ZNF732: variants seen among roughly 807,000 people sequenced by gnomAD.
The protein encoded by ZNF732 is zinc finger protein LOC654254.
A neutral mutation model predicts 11.5 loss-of-function variants in ZNF732; 12 were observed. The observed-to-expected ratio is 1.05, with a 90% CI of 0.67 to 1.70. The LOEUF (loss-of-function observed/expected upper bound fraction) is 1.70, where lower values mean the gene tolerates loss of function less well. Ranked by LOEUF, ZNF732 falls within the 40% of genes most tolerant of loss-of-function variation. ZNF732 has a pLI of 0.00. For missense variants in ZNF732, 702 were observed against 676.9 expected (o/e 1.04, Z -0.41); for synonymous variants, 231 against 236.5 (o/e 0.98, Z 0.21).
intron 3 of ZNF732, among the ~76,000 whole-genome samples, chr4:275,627 A>G (rs1719477213): frequency 6.6e-6 from 1 of 151,824 alleles, no homozygotes. Context: ...TTAGACACTC[A>G]TAATTATTGC....
At chr4:279,454 A>AG (rs1304889538) in intron 3 of ZNF732, among the ~76,000 whole-genome samples, 1 of 151,896 alleles carries the variant, frequency 6.6e-6, no homozygotes, top group Non-Finnish European at 1.5e-5. Context: ...TCAAAAAAAA[A>AG]AAACAACAAC....
chr4:275,551 G>A (rs1378494281), intron 3 of ZNF732, among the ~76,000 whole-genome samples: 1 of 151,644 alleles, frequency 6.6e-6, no homozygotes, highest in Non-Finnish European at 1.5e-5. Context: ...AAGCTGAACA[G>A]CTAGATCAAC....
chr4:282,704 T>TA (rs1178892915), intron 3 of ZNF732, among the ~76,000 whole-genome samples: 5 of 151,910 alleles, frequency 3.3e-5, no homozygotes, highest in Non-Finnish European at 7.4e-5. Flanking sequence ...CCTATGTGGG[T>TA]AAAAAAGAAG....
At position 271,491 on chromosome 4, in the gene ZNF732, C is replaced by T; in HGVS notation, c.1366G>A (p.Gly456Arg). The T allele has an allele frequency of 6.2e-7, 1 of 1,607,652 alleles. No homozygotes were observed. The highest frequency in any genetic ancestry group is 8.5e-7 in the Non-Finnish European group (1 of 1,177,560). Residue 456 changes from glycine to arginine, a missense_variant, in exon 4 of 4, where the codon GGA (glycine) becomes AGA (arginine). Coordinates refer to ENST00000419098, the MANE Select transcript of ZNF732 (RefSeq NM_001137608.3). Reference protein sequence around the residue: ...YKCEECGKAFGWSAYLSKHKK... With the variant: ...YKCEECGKAFRWSAYLSKHKK... ...TGTTTACTCAGGTATGCAGACCATC[C>T]AAAGGCTTTGCCACACTCTTCACAT...
At chr4:299,383 A>G (rs1401092898) in intron 1 of ZNF732, among the ~76,000 whole-genome samples, 1 of 92,874 alleles carries the variant, frequency 1.1e-5, no homozygotes, top group Non-Finnish European at 2.2e-5. Flanking sequence ...ATATATATAT[A>G]CACATATGTA....
chr4:283,706 A>G (rs566598169), intron 3 of ZNF732, among the ~76,000 whole-genome samples: 1 of 152,170 alleles, frequency 6.6e-6, no homozygotes, highest in Non-Finnish European at 1.5e-5. Flanking sequence ...ACTGAAAGTT[A>G]GTAAGAAAAC....
intron 3 of ZNF732, among the ~76,000 whole-genome samples, chr4:292,904 A>T (rs1553841557): frequency 6.8e-6 from 1 of 146,762 alleles, no homozygotes; most frequent in African/African-American, 2.5e-5. Flanking sequence ...AAAAAAAAAA[A>T]AAAAAAAAAA....
intron 1 of ZNF732, among the ~76,000 whole-genome samples, chr4:297,890 C>T (rs553304268): frequency 3.9e-5 from 6 of 152,074 alleles, no homozygotes; most frequent in Non-Finnish European, 8.8e-5. Context: ...TGGATCTGGG[C>T]AGGGTTAGGA....
intron 1 of ZNF732, among the ~76,000 whole-genome samples, chr4:304,767 C>T (rs1036794440): frequency 6.6e-6 from 1 of 152,244 alleles, no homozygotes; most frequent in Admixed American, 6.5e-5. Context: ...GCGGAGGAGG[C>T]GCACAGGGCA....
At position 287,860 on chromosome 4, in the gene ZNF732, C is replaced by T. The variant is rs61792096; in HGVS notation, c.226+7578G>A. ...ACTGCATTTTTAGTTTTTGGAGGAA[C>T]CTCCATACATTTTTTTCAGGTGGTT... On this transcript the variant is annotated intron_variant, in intron 3 of 3. Coordinates refer to ENST00000419098, the MANE Select transcript of ZNF732 (RefSeq NM_001137608.3). Among the ~76,000 whole-genome samples, 500 of 152,142 alleles carry T rather than the reference C, an allele frequency of 3.3e-3. 1 individual carries two copies. The highest frequency in any genetic ancestry group is 6.3e-3 in the Non-Finnish European group (426 of 67,992).
chr4:305,392 T>A lies in ZNF732; in HGVS notation c.-82A>T. On this transcript the variant is annotated 5_prime_UTR_variant, in exon 1 of 4. Transcript: ENST00000419098. ...GTCACAGAGCGACGGAGGCTGAGGC[T>A]GTGACCGAATCACCGACGCCTCCCT... 5 of 1,589,666 alleles carry A rather than the reference T, an allele frequency of 3.1e-6. No individual in the cohort carries two copies. The highest frequency in any genetic ancestry group is 4.3e-6 in the Non-Finnish European group (5 of 1,168,658).
chr4:287,275 C>T (rs1274321521), intron 3 of ZNF732, among the ~76,000 whole-genome samples: 3 of 151,062 alleles, frequency 2.0e-5, no homozygotes, highest in South Asian at 4.2e-4. Flanking sequence ...AGTGCAATGG[C>T]GTGATCTCGG....
At chr4:291,301 C>T (rs1365514183) in intron 3 of ZNF732, among the ~76,000 whole-genome samples, 4 of 152,170 alleles carry the variant, frequency 2.6e-5, no homozygotes, top group East Asian at 1.9e-4. Context: ...AGGCCCATCT[C>T]GAACTCCTGT....
intron 3 of ZNF732, among the ~76,000 whole-genome samples, chr4:278,701 A>C (rs578231215): frequency 1.3e-5 from 2 of 152,240 alleles, no homozygotes; most frequent in South Asian, 4.1e-4. Context: ...ATGCCAAACA[A>C]CTCATTACAA....
Position 303,499 on chromosome 4 carries a change from C to A in ZNF732, c.3+1809G>T, listed in dbSNP as rs188316859. Among the ~76,000 whole-genome samples, 473 of 152,302 alleles carry A rather than the reference C, an allele frequency of 3.1e-3. 1 individual carries two copies. Among genetic ancestry groups the A allele is most frequent in the African/African-American group, 0.011 (437 of 41,556 alleles). On this transcript the variant is annotated intron_variant, in intron 1 of 3. Transcript: ENST00000419098. ...GGGCGTGGTGGCACAGGCCTGTAAT[C>A]CAGCTACTCAGGAGGCTGAGGCAGG...
chr4:287,435 G>A (rs546771630), intron 3 of ZNF732, among the ~76,000 whole-genome samples: 22 of 151,720 alleles, frequency 1.5e-4, no homozygotes, highest in Non-Finnish European at 2.4e-4. Flanking sequence ...GGGTAGTCTC[G>A]AACTCCTGAC....
intron 3 of ZNF732, among the ~76,000 whole-genome samples, chr4:279,363 G>A (rs1234116304): frequency 2.6e-5 from 4 of 151,292 alleles, no homozygotes; most frequent in Non-Finnish European, 4.4e-5. Context: ...GGAGAATGGC[G>A]TGAACCCGGG....
intron 3 of ZNF732, among the ~76,000 whole-genome samples, chr4:287,791 T>C (rs1262712859): frequency 1.3e-5 from 2 of 152,150 alleles, no homozygotes; most frequent in Non-Finnish European, 2.9e-5. Context: ...ACTTTGGATA[T>C]TTTGAATAGG....
At chr4:295,042 C>CA (rs1280643546) in intron 3 of ZNF732, among the ~76,000 whole-genome samples, 1 of 152,056 alleles carries the variant, frequency 6.6e-6, no homozygotes, top group African/African-American at 2.4e-5. Flanking sequence ...AACCAAATTC[C>CA]AATATGTCCA....
Sources: gnomAD v4.1 joint callset for allele counts (sites outside exome capture counted in the v4.1 genomes callset) on GRCh38, gnomAD v4.1.1 for gene constraint, MANE v1.5 for transcripts, NCBI Gene and HGNC (gene_info 2026-07-23, HGNC 2026-07-21) for gene names.